Variants in DIP2C observed in about 807,000 individuals in gnomAD.
DIP2C encodes DIP2 acetate--CoA ligase C (putative), also known as disco-interacting protein 2 homolog C.
DIP2C carries 33 observed loss-of-function variants against 192.4 expected under a neutral mutation model. The ratio of observed to expected loss-of-function variants is 0.17; its 90% CI spans 0.13 to 0.23. DIP2C has a LOEUF of 0.23. Ranked by LOEUF, DIP2C falls within the 10% of genes least tolerant of loss-of-function variation. The probability of loss-of-function intolerance (pLI) is 1.00; values close to 1 mark genes in which losing one functional copy is unlikely to be tolerated. For synonymous variants in DIP2C, 979 were observed against 864.1 expected (o/e 1.13, Z -2.33); for missense variants, 1,537 against 2,110.1 (o/e 0.73, Z 5.32).
intron 18 of DIP2C, among the ~76,000 whole-genome samples, chr10:368,189 C>G (rs1960507924): frequency 7.4e-6 from 1 of 134,700 alleles, no homozygotes. Flanking sequence ...TGCTGCACAG[C>G]CCCAGGTGCC....
chr10:433,721 C>A (rs1010198855), intron 4 of DIP2C, among the ~76,000 whole-genome samples: 2 of 152,018 alleles, frequency 1.3e-5, no homozygotes, highest in Middle Eastern at 3.2e-3. Context: ...ACATTTATAT[C>A]TTTTTCTATC....
At chr10:674,177 A>C (rs996988925) in intron 1 of DIP2C, among the ~76,000 whole-genome samples, 1 of 152,208 alleles carries the variant, frequency 6.6e-6, no homozygotes, top group Non-Finnish European at 1.5e-5. Flanking sequence ...GAGTGGATTT[A>C]AAAAAAGAAA....
At chr10:483,799 GCCT>G (rs1843797284) in intron 2 of DIP2C, among the ~76,000 whole-genome samples, 2 of 152,198 alleles carry the variant, frequency 1.3e-5, no homozygotes, top group South Asian at 4.1e-4. Context: ...AATAAAGTTT[GCCT>G]CTATGACTTC....
At chr10:556,030 G>A (rs374701162) in intron 1 of DIP2C, among the ~76,000 whole-genome samples, 1 of 151,974 alleles carries the variant, frequency 6.6e-6, no homozygotes, top group Admixed American at 6.6e-5. Context: ...AGTCGCAGCA[G>A]ACTCCCTCAC....
chr10:598,234 C>T (rs1489264348), intron 1 of DIP2C, among the ~76,000 whole-genome samples: 3 of 152,214 alleles, frequency 2.0e-5, no homozygotes, highest in Admixed American at 1.3e-4. Flanking sequence ...GGCCTCCCTC[C>T]CCACCCCAAG....
chr10:318,717 A>G (rs1291303775), intron 31 of DIP2C, among the ~76,000 whole-genome samples: 1 of 152,158 alleles, frequency 6.6e-6, no homozygotes, highest in African/African-American at 2.4e-5. Flanking sequence ...GAAAGGGCAT[A>G]AAGTTCCTGC....
At chr10:317,146 T>C (rs1956809890) in intron 31 of DIP2C, among the ~76,000 whole-genome samples, 2 of 152,218 alleles carry the variant, frequency 1.3e-5, no homozygotes, top group South Asian at 4.1e-4. Flanking sequence ...TGGATGGATC[T>C]GTATGTTGTC....
intron 34 of DIP2C, among the ~76,000 whole-genome samples, chr10:284,874 T>C (rs909621932): frequency 6.6e-6 from 1 of 152,070 alleles, no homozygotes; most frequent in African/African-American, 2.4e-5. Context: ...ATTAACCTCA[T>C]AAAGCGGAAA....
intron 1 of DIP2C, among the ~76,000 whole-genome samples, chr10:528,149 C>T (rs563245166): frequency 6.6e-6 from 1 of 152,162 alleles, no homozygotes; most frequent in Non-Finnish European, 1.5e-5. Flanking sequence ...AGAGAGAAAA[C>T]CTCCTTGGTT....
intron 2 of DIP2C, among the ~76,000 whole-genome samples, chr10:479,145 G>A (rs899275330): frequency 1.3e-5 from 2 of 152,126 alleles, no homozygotes; most frequent in Non-Finnish European, 2.9e-5. Flanking sequence ...TGTTCACATC[G>A]TAAAACTTTC....
chr10:683,975 C>T (rs746153170), intron 1 of DIP2C, among the ~76,000 whole-genome samples: 3 of 152,260 alleles, frequency 2.0e-5, no homozygotes, highest in Non-Finnish European at 2.9e-5. Context: ...AACAGAGACG[C>T]CGTCATGGCT....
intron 8 of DIP2C, among the ~76,000 whole-genome samples, chr10:411,963 A>G (rs967706589): frequency 6.6e-6 from 1 of 152,274 alleles, no homozygotes; most frequent in East Asian, 1.9e-4. Context: ...ATTAAAATGG[A>G]TAATTAAAAT....
chr10:387,771 C>T lies in DIP2C; in HGVS notation c.1636G>A (p.Val546Ile), dbSNP rs778121403. 32 of 1,614,080 alleles carry T rather than the reference C, an allele frequency of 2.0e-5. No individual in the cohort carries two copies. Among genetic ancestry groups the T allele is most frequent in the East Asian group, 1.6e-4 (7 of 44,898 alleles). ...GTCAGGATGCCATGCCAGAGCCCGA[C>T]GTCCTTCTTGAAATCCAGCACATTC... Reference protein sequence around the residue: ...IVNVLDFKKDVGLWHGILTSV... With the variant: ...IVNVLDFKKDIGLWHGILTSV... The change falls in exon 14 of 37, where the codon GTC becomes ATC. Residue 546 changes from valine to isoleucine, a missense_variant. Physicochemically the swap from Val to Ile is conservative, Grantham distance 29. Coordinates refer to ENST00000280886, the MANE Select transcript of DIP2C (RefSeq NM_014974.3).
chr10:688,040 G>A (rs1260483119), intron 1 of DIP2C, among the ~76,000 whole-genome samples: 1 of 152,204 alleles, frequency 6.6e-6, no homozygotes, highest in Non-Finnish European at 1.5e-5. Flanking sequence ...ACCTACCCAA[G>A]GCTGACACAA....
intron 2 of DIP2C, among the ~76,000 whole-genome samples, chr10:481,460 C>CTGTT (rs1413424951): frequency 6.6e-6 from 1 of 152,174 alleles, no homozygotes; most frequent in African/African-American, 2.4e-5. Flanking sequence ...GCCAGAGCAG[C>CTGTT]TGTTCTCATG....
At chr10:605,851 A>G (rs1852420801) in intron 1 of DIP2C, among the ~76,000 whole-genome samples, 1 of 152,200 alleles carries the variant, frequency 6.6e-6, no homozygotes, top group African/African-American at 2.4e-5. Context: ...AACAGACAAA[A>G]ACCAAAGAAA....
chr10:545,433 G>C (rs1462180127), intron 1 of DIP2C, among the ~76,000 whole-genome samples: 1 of 152,092 alleles, frequency 6.6e-6, no homozygotes, highest in African/African-American at 2.4e-5. Context: ...TGGGATTACA[G>C]GTGTGAGCCA....
intron 22 of DIP2C, 45 bp downstream of exon 22, chr10:362,445 A>T (rs778249414): frequency 2.0e-5 from 32 of 1,595,754 alleles, no homozygotes; most frequent in Non-Finnish European, 2.7e-5. Context: ...GTGCAGCCCC[A>T]AGGGAACTCC....
In DIP2C at chr10:329,484, G is replaced by C. The variant is rs139751623; in HGVS notation, c.3702C>G (p.Ser1234=). The C allele has an allele frequency of 5.3e-4, 861 of 1,614,168 alleles. 1 individual carries two copies. Among genetic ancestry groups the C allele is most frequent in the Middle Eastern group, 1.8e-3 (11 of 6,062 alleles). The stretch of plus-strand genomic sequence containing the variant: ...GCCCCTTGGTGCACAGCTCCATCAC[G>C]GAGTAGGAGCAAAACGTGTCTCGGA... ...YKVRDTFCSY[S]VMELCTKGLG... is the part of the protein sequence containing the mutation. The change falls in exon 30 of 37, where the codon TCC becomes TCG. Residue 1234 remains serine (S), a synonymous_variant. Transcript: ENST00000280886.
Sources: gnomAD v4.1 joint callset for allele counts (sites outside exome capture counted in the v4.1 genomes callset) on GRCh38, gnomAD v4.1.1 for gene constraint, MANE v1.5 for transcripts, NCBI Gene and HGNC (gene_info 2026-07-23, HGNC 2026-07-21) for gene names.